The following ZMYND11 variants were observed in gnomAD, a reference collection of about 807,000 sequenced individuals.
ZMYND11 encodes zinc finger MYND-type containing 11, also known as zinc finger MYND domain-containing protein 11.
In ZMYND11, 9 loss-of-function variants were observed where a neutral mutation model predicts 84.9. The ratio of observed to expected loss-of-function variants is 0.11; its 90% CI spans 0.06 to 0.18. The LOEUF is 0.18. ZMYND11 is among the 10% of genes least tolerant of loss of function. ZMYND11 has a pLI of 1.00. For synonymous variants in ZMYND11, 250 were observed against 244.1 expected, an observed-to-expected ratio of 1.02 and a Z score of -0.23; for missense variants, 409 against 761.0, an observed-to-expected ratio of 0.54 and a Z score of 5.44.
rs1260151674 is a variant in ZMYND11 at position 182,477 on chromosome 10, T to C, written c.116+2349T>C. On this transcript the variant is annotated intron_variant, in intron 2 of 14. Transcript: ENST00000381604. ...ATAAATTTATTTACCTACCAGATAG[T>C]CTTGGTTTTTATTAGTCTCATCTAA... Among the ~76,000 whole-genome samples the C allele has an allele frequency of 2.0e-5, 3 of 151,090 alleles. No individual in the cohort carries two copies. The East Asian group carries it at 5.9e-4, about 30-fold the overall frequency.
chr10:250,835 C>A (rs1405207146), intron 14 of ZMYND11, among the ~76,000 whole-genome samples: 1 of 152,100 alleles, frequency 6.6e-6, no homozygotes, highest in Non-Finnish European at 1.5e-5. Flanking sequence ...CCAGCCTGGG[C>A]AACATGGTGA....
chr10:133,031 G>C (rs1554750277), upstream of ZMYND11, among the ~76,000 whole-genome samples: 1 of 152,132 alleles, frequency 6.6e-6, no homozygotes, highest in African/African-American at 2.4e-5. Context: ...CAAACCTTTG[G>C]TCCCCAGACC....
chr10:243,391 TA>T (rs1951444435), intron 10 of ZMYND11, among the ~76,000 whole-genome samples: 1 of 152,230 alleles, frequency 6.6e-6, no homozygotes, highest in African/African-American at 2.4e-5. Flanking sequence ...AGAATTCAGT[TA>T]TTTTTATAGC....
At chr10:175,048 G>T (rs1846287280) in intron 1 of ZMYND11, among the ~76,000 whole-genome samples, 1 of 152,142 alleles carries the variant, frequency 6.6e-6, no homozygotes, top group East Asian at 1.9e-4. Context: ...ACGTTGGTCA[G>T]AACCCATGGA....
chr10:188,807 T>C (rs907369717), intron 2 of ZMYND11, among the ~76,000 whole-genome samples: 1 of 152,206 alleles, frequency 6.6e-6, no homozygotes, highest in Non-Finnish European at 1.5e-5. Flanking sequence ...TATAAGATAG[T>C]TTAAAGACAT....
chr10:247,586 G>A (rs1952413914), intron 12 of ZMYND11, 120 bp downstream of exon 12: 8 of 1,054,516 alleles, frequency 7.6e-6, no homozygotes, highest in Non-Finnish European at 1.1e-5. Flanking sequence ...GTGAAATTCA[G>A]CTGCTGTCAG....
chr10:140,569 C>G (rs554918947), intron 1 of ZMYND11, among the ~76,000 whole-genome samples: 8 of 152,118 alleles, frequency 5.3e-5, no homozygotes, highest in Non-Finnish European at 1.2e-4. Context: ...ATATTTAACT[C>G]AATTCAAAAA....
chr10:225,471 T>G (rs1314512799), intron 4 of ZMYND11, among the ~76,000 whole-genome samples: 2 of 152,120 alleles, frequency 1.3e-5, no homozygotes. Flanking sequence ...CCTCAGCTTC[T>G]GAGTAGCTAG....
intron 6 of ZMYND11, among the ~76,000 whole-genome samples, chr10:238,726 T>A (rs1222455933): frequency 6.6e-6 from 1 of 152,062 alleles, no homozygotes; most frequent in South Asian, 2.1e-4. Context: ...TAAATGAAGG[T>A]TTTTCCCTTA....
chr10:183,246 G>C lies in ZMYND11; in HGVS notation c.116+3118G>C, dbSNP rs151183338. Among the ~76,000 whole-genome samples the C allele has an allele frequency of 1.5e-3, 221 of 145,846 alleles. 6 individuals are homozygous for C. The East Asian group carries it at 0.041, about 27-fold the overall frequency. On this transcript the variant is annotated intron_variant, in intron 2 of 14. Coordinates refer to ENST00000381604, the MANE Select transcript of ZMYND11 (RefSeq NM_001370100.5). ...TTGGTTTTTTTTTTTTTTTGGAACTGATTGAAGAAACCTGGCCATTGGTTG... is the reference window on the plus strand; with the variant it reads ...TTGGTTTTTTTTTTTTTTTGGAACTCATTGAAGAAACCTGGCCATTGGTTG...
At chr10:132,108 A>C (rs1358645549), upstream of ZMYND11, among the ~76,000 whole-genome samples, 1 of 152,040 alleles carries the variant, frequency 6.6e-6, no homozygotes, top group African/African-American at 2.4e-5. Context: ...AATACTAAAG[A>C]CTACGGAAAA....
intron 1 of ZMYND11, among the ~76,000 whole-genome samples, chr10:158,984 G>GGTTTTTT (rs1554760453): frequency 5.0e-5 from 2 of 40,022 alleles, no homozygotes; most frequent in African/African-American, 7.6e-5. Flanking sequence ...AGGGTTTTTT[G>GGTTTTTT]TTTTTTGTTT....
intron 1 of ZMYND11, among the ~76,000 whole-genome samples, chr10:173,364 A>G (rs1845819942): frequency 6.6e-6 from 1 of 152,234 alleles, no homozygotes; most frequent in Non-Finnish European, 1.5e-5. Context: ...ACAGACTGGG[A>G]GAAAATATTT....
intron 1 of ZMYND11, among the ~76,000 whole-genome samples, chr10:141,819 A>C (rs1277756547): frequency 1.3e-5 from 2 of 152,190 alleles, no homozygotes; most frequent in Non-Finnish European, 2.9e-5. Flanking sequence ...AGAGCAAAGG[A>C]TCTTCATTCC....
intron 1 of ZMYND11, among the ~76,000 whole-genome samples, chr10:159,691 T>C (rs929027643): frequency 1.3e-5 from 2 of 152,220 alleles, no homozygotes; most frequent in Non-Finnish European, 2.9e-5. Flanking sequence ...CCTATTCAAT[T>C]TGTCACTTAT....
chr10:179,679 A>G (rs1847426553), intron 1 of ZMYND11, among the ~76,000 whole-genome samples: 1 of 152,184 alleles, frequency 6.6e-6, no homozygotes. Context: ...TTTATCTTGG[A>G]GTATTTCTGT....
chr10:134,119 C>G (rs1457691595), upstream of ZMYND11, among the ~76,000 whole-genome samples: 2 of 152,154 alleles, frequency 1.3e-5, no homozygotes, highest in African/African-American at 4.8e-5. Context: ...ACTTACACTA[C>G]GTTTTCTCCT....
chr10:149,589 T>A (rs1839824715), intron 1 of ZMYND11, among the ~76,000 whole-genome samples: 1 of 152,190 alleles, frequency 6.6e-6, no homozygotes, highest in African/African-American at 2.4e-5. Flanking sequence ...TATTATTTTT[T>A]AAATGTAGTT....
intron 4 of ZMYND11, among the ~76,000 whole-genome samples, chr10:230,519 C>G (rs1477921184): frequency 6.7e-6 from 1 of 149,476 alleles, no homozygotes; most frequent in Admixed American, 6.7e-5. Context: ...CTCCAGGGTT[C>G]TACCCCAGAC....
Sources: allele counts gnomAD v4.1 joint callset (sites outside exome capture counted in the v4.1 genomes callset), GRCh38; gene constraint gnomAD v4.1.1; transcripts MANE v1.5; gene names NCBI Gene and HGNC (gene_info 2026-07-23, HGNC 2026-07-21).